USP34: variants seen among roughly 807,000 people sequenced by gnomAD.
USP34 encodes the protein ubiquitin specific peptidase 34.
Under a neutral mutation model 460.3 loss-of-function variants are expected in USP34, and 70 were observed. The observed-to-expected ratio is 0.15, with a 90% CI of 0.13 to 0.19. The LOEUF (loss-of-function observed/expected upper bound fraction) is 0.19, where lower values mean the gene tolerates loss of function less well. Among genes scored for constraint, USP34 ranks in the 10% least tolerant of loss-of-function variants. The probability of loss-of-function intolerance (pLI) is 1.00; values close to 1 mark genes in which losing one functional copy is unlikely to be tolerated. For synonymous variants in USP34, 1,647 were observed against 1,405.3 expected (o/e 1.17, Z -3.85); for missense variants, 3,985 against 4,236.2 (o/e 0.94, Z 1.65).
chr2:61,205,167 C>T (rs954100650), intron 72 of USP34, among the ~76,000 whole-genome samples: 5 of 152,138 alleles, frequency 3.3e-5, no homozygotes, highest in South Asian at 4.1e-4. Context: ...ATTTAATGTA[C>T]GTTGATTATG....
intron 8 of USP34, among the ~76,000 whole-genome samples, chr2:61,375,635 G>A (rs1448261365): frequency 6.6e-6 from 1 of 151,864 alleles, no homozygotes. Flanking sequence ...CGGAAGTGGT[G>A]GCGGGTGCCT....
chr2:61,187,948 C>A lies in USP34; in HGVS notation c.*154G>T. Reference sequence around the variant, plus strand: ...ATGCAAGTTTTTTTCATCTGGAGTTCTGCCTGACCAAGAATTAAGCCTATA... The same window carrying A: ...ATGCAAGTTTTTTTCATCTGGAGTTATGCCTGACCAAGAATTAAGCCTATA... On this transcript the variant is annotated 3_prime_UTR_variant, in exon 80 of 80. Transcript: ENST00000398571. 1 of 1,434,480 alleles carries A rather than the reference C, an allele frequency of 7.0e-7. No homozygotes were observed. The highest frequency in any genetic ancestry group is 9.2e-7 in the Non-Finnish European group (1 of 1,092,446). 88.9% of individuals were successfully genotyped at this position (1,434,480 alleles called of 1,614,324 possible). A position where few individuals can be genotyped will look rare whatever the true frequency, so the allele number is the denominator to read the frequency against.
chr2:61,395,785 C>CAAAAA (rs541139131), intron 3 of USP34, among the ~76,000 whole-genome samples: 4 of 29,326 alleles, frequency 1.4e-4, no homozygotes, highest in African/African-American at 4.3e-4. Context: ...GACTCCGTCT[C>CAAAAA]AAAAAAAAAA....
At chr2:61,236,117 T>C in intron 55 of USP34, 44 bp from the exon 56 acceptor site, 1 of 1,594,156 alleles carries the variant, frequency 6.3e-7, no homozygotes, top group South Asian at 1.2e-5. Context: ...CATTTTAAAG[T>C]AGTAAATTTT....
chr2:61,287,976 C>T (rs1272257069), intron 34 of USP34, among the ~76,000 whole-genome samples: 1 of 152,224 alleles, frequency 6.6e-6, no homozygotes, highest in Non-Finnish European at 1.5e-5. Context: ...TGCCAGGTGG[C>T]TTCCTATTAG....
chr2:61,411,112 A>C (rs935846081), intron 2 of USP34, among the ~76,000 whole-genome samples: 1 of 152,118 alleles, frequency 6.6e-6, no homozygotes, highest in African/African-American at 2.4e-5. Context: ...AAGAAAATGA[A>C]AGCAACTCAT....
At chr2:61,367,328 GCA>G (rs137968735) in intron 10 of USP34, among the ~76,000 whole-genome samples, 12,252 of 152,122 alleles carry the variant, frequency 0.081, 634 homozygotes, top group Admixed American at 0.13. Context: ...ACACGCGCGC[GCA>G]CACACACAAA....
intron 10 of USP34, among the ~76,000 whole-genome samples, chr2:61,353,570 T>C (rs1260038835): frequency 2.4e-5 from 3 of 122,584 alleles, no homozygotes; most frequent in Non-Finnish European, 5.5e-5. Context: ...TTTGTTTTTG[T>C]TTTTGTTTTT....
chr2:61,353,272 G>A (rs1395850652), intron 10 of USP34, among the ~76,000 whole-genome samples: 4 of 152,002 alleles, frequency 2.6e-5, no homozygotes, highest in Admixed American at 2.6e-4. Context: ...CAAACCATCT[G>A]AAATGATTAC....
chr2:61,273,079 T>C (rs1689263690), intron 41 of USP34, among the ~76,000 whole-genome samples: 2 of 151,942 alleles, frequency 1.3e-5, no homozygotes, highest in Non-Finnish European at 2.9e-5. Flanking sequence ...AAATGACAAG[T>C]TAAAAAACAT....
chr2:61,293,464 C>G lies in USP34; in HGVS notation c.4548G>C (p.Val1516=). The G allele has an allele frequency of 6.2e-7, 1 of 1,610,134 alleles. No homozygotes were observed. The highest frequency in any genetic ancestry group is 2.2e-5 in the East Asian group (1 of 44,704). ...GTTGAAACCATAAATATGCACTTAC[C>G]ACAGTCCATGATTCCTGCTCTTTAG... ...LEPKEQESWT[V]WQLDCLACLL... Residue 1516 remains valine (V), a splice_region_variant and synonymous_variant, in exon 33 of 80, where the codon GTG becomes GTC. Coordinates refer to ENST00000398571, the MANE Select transcript of USP34 (RefSeq NM_014709.4).
chr2:61,445,170 C>G (rs142276091), intron 1 of USP34, among the ~76,000 whole-genome samples: 1 of 136,892 alleles, frequency 7.3e-6, no homozygotes, highest in East Asian at 2.1e-4. Flanking sequence ...ACACTAAACA[C>G]ACACACACAA....
In USP34 at chr2:61,266,422, T is replaced by C. The variant is rs191176585; in HGVS notation, c.5434-255A>G. 2.6e-3 allele frequency among the ~76,000 whole-genome samples: 398 copies of C among 152,322 alleles called. 1 individual carries two copies. The highest frequency in any genetic ancestry group is 9.4e-3 in the African/African-American group (390 of 41,580). On this transcript the variant is annotated intron_variant, in intron 41 of 79. Transcript: ENST00000398571. The stretch of plus-strand genomic sequence containing the variant: ...AGACTCTTCACGTACAATGTTGTTA[T>C]TTTCTATTCCATTAAGTGATGTAAA...
At chr2:61,343,230 AT>A (rs1401033415) in intron 16 of USP34, among the ~76,000 whole-genome samples, 2 of 151,870 alleles carry the variant, frequency 1.3e-5, no homozygotes, top group African/African-American at 4.8e-5. Flanking sequence ...TCACTTTCTT[AT>A]TTTTTCTTGC....
rs763950735 is a variant in USP34 at position 61,319,164 on chromosome 2, T to G, written c.3168+9A>C. ...AAAAATAATAACAAACTGAGAGAAA[T>G]GTAATTACCTTCTCCAGGAAAAGAT... On this transcript the variant is annotated intron_variant, in intron 22 of 79. Coordinates refer to ENST00000398571, the MANE Select transcript of USP34 (RefSeq NM_014709.4). The G allele has an allele frequency of 2.6e-6, 4 of 1,540,496 alleles. No individual in the cohort carries two copies. Among genetic ancestry groups the G allele is most frequent in the Non-Finnish European group, 2.6e-6 (3 of 1,153,412 alleles).
At position 61,187,907 on chromosome 2, in the gene USP34, A is replaced by C; in HGVS notation, c.*195T>G. On this transcript the variant is annotated 3_prime_UTR_variant, in exon 80 of 80. Coordinates refer to ENST00000398571, the MANE Select transcript of USP34 (RefSeq NM_014709.4). ...CATATCCATTATCTGATTGCCCTTT[A>C]GGAAGTATACTGAAGATGCAAGTTT... The C allele has an allele frequency of 7.1e-7, 1 of 1,413,660 alleles. No individual in the cohort carries two copies. The highest frequency in any genetic ancestry group is 1.4e-5 in the African/African-American group (1 of 69,228). The allele number at this position is 1,413,660 out of a possible 1,614,324, so 87.6% of individuals were successfully genotyped here.
At chr2:61,440,928 C>T (rs996478795) in intron 1 of USP34, among the ~76,000 whole-genome samples, 1 of 151,584 alleles carries the variant, frequency 6.6e-6, no homozygotes, top group Non-Finnish European at 1.5e-5. Flanking sequence ...GAGATCGAGA[C>T]CATCCTGGCT....
In USP34 at chr2:61,247,071, T is replaced by C. The variant is rs137881992; in HGVS notation, c.6395-594A>G. Among the ~76,000 whole-genome samples, 3 of 152,240 alleles carry C rather than the reference T, an allele frequency of 2.0e-5. No individual in the cohort carries two copies. In the East Asian group the frequency reaches 5.8e-4, roughly 29 times the overall value. ...AACACTACGTATTAAGAGATTTGTGTAGACAGAAACAAAATAAAGAAAAAG... is the reference window on the plus strand; with the variant it reads ...AACACTACGTATTAAGAGATTTGTGCAGACAGAAACAAAATAAAGAAAAAG... On this transcript the variant is annotated intron_variant, in intron 49 of 79. Transcript: ENST00000398571.
intron 1 of USP34, among the ~76,000 whole-genome samples, chr2:61,443,653 A>C (rs1695030555): frequency 6.6e-6 from 1 of 152,216 alleles, no homozygotes; most frequent in African/African-American, 2.4e-5. Flanking sequence ...AAAGATCAGC[A>C]GTTGCCAGTG....
Sources: gnomAD v4.1 joint callset for allele counts (sites outside exome capture counted in the v4.1 genomes callset) on GRCh38, gnomAD v4.1.1 for gene constraint, MANE v1.5 for transcripts, NCBI Gene and HGNC (gene_info 2026-07-23, HGNC 2026-07-21) for gene names.